CTNND1: variants seen among roughly 807,000 people sequenced by gnomAD.
The protein encoded by CTNND1 is catenin delta 1, also known as catenin delta-1.
A neutral mutation model predicts 112.1 loss-of-function variants in CTNND1; 16 were observed. The observed-to-expected ratio is 0.14, with a 90% CI of 0.10 to 0.22. CTNND1 has a LOEUF of 0.22. Ranked by LOEUF, CTNND1 falls within the 10% of genes least tolerant of loss-of-function variation. CTNND1 has a pLI of 1.00. For synonymous variants in CTNND1, 420 were observed against 446.5 expected (o/e 0.94, Z 0.75); for missense variants, 1,008 against 1,257.0 (o/e 0.80, Z 3.00).
chr11:57,816,172 C>T, intron 20 of CTNND1, 125 bp from the exon 21 acceptor site: 1 of 1,284,412 alleles, frequency 7.8e-7, no homozygotes, highest in Non-Finnish European at 1.1e-6. Flanking sequence ...CTGGGACATG[C>T]AGCTGGTGAT....
At chr11:57,773,984 A>G (rs1407013879) in intron 1 of CTNND1, among the ~76,000 whole-genome samples, 1 of 152,080 alleles carries the variant, frequency 6.6e-6, no homozygotes, top group Non-Finnish European at 1.5e-5. Flanking sequence ...ATGTACCTTT[A>G]TTGTTTGACT....
rs554099518 is a variant in CTNND1, at chr11:57,818,905, A to G, written c.*2597A>G. ...TAGGATCAAAAGGCCCATGTATATA[A>G]GTACTGACCACTGGGCCATAATGTT... On this transcript the variant is annotated 3_prime_UTR_variant, in exon 21 of 21. Transcript: ENST00000399050. The G allele has an allele frequency of 6.6e-6, 1 of 152,348 alleles. No homozygotes were observed. The highest frequency in any genetic ancestry group is 2.1e-4 in the South Asian group (1 of 4,828). 9.4% of individuals were successfully genotyped at this position (152,348 alleles called of 1,614,324 possible).
In CTNND1 at chr11:57,803,057, G is replaced by A. The variant is rs181910965; in HGVS notation, c.1421-564G>A. Among the ~76,000 whole-genome samples the A allele has an allele frequency of 2.0e-3, 299 of 152,300 alleles. 5 individuals are homozygous for A. The highest frequency in any genetic ancestry group is 6.7e-3 in the African/African-American group (279 of 41,578). ...GGCCGAAAATGTCAGTGGTGCTGAG[G>A]TTGAAAAACTCTGGTATAGACAGAT... On this transcript the variant is annotated intron_variant, in intron 7 of 20. Transcript: ENST00000399050.
At chr11:57,816,070 A>G (rs1417068650) in intron 20 of CTNND1, 69 bp downstream of exon 20, 3 of 1,329,678 alleles carry the variant, frequency 2.3e-6, no homozygotes, top group African/African-American at 1.5e-5. Flanking sequence ...CAACTTGTCA[A>G]TCACGCTAAT....
At chr11:57,771,223 A>G (rs770566614) in intron 1 of CTNND1, among the ~76,000 whole-genome samples, 4 of 152,134 alleles carry the variant, frequency 2.6e-5, no homozygotes, top group Non-Finnish European at 5.9e-5. Flanking sequence ...GAGTCTGTTT[A>G]TGCCATACAC....
chr11:57,807,195 T>C (rs2062779650), intron 12 of CTNND1, among the ~76,000 whole-genome samples: 1 of 152,238 alleles, frequency 6.6e-6, no homozygotes, highest in East Asian at 1.9e-4. Context: ...TTCAGGTTAC[T>C]TGAGGATAGA....
chr11:57,816,818 A>G lies in CTNND1; in HGVS notation c.*510A>G, dbSNP rs1429595346. On this transcript the variant is annotated 3_prime_UTR_variant, in exon 21 of 21. Coordinates refer to ENST00000399050, the MANE Select transcript of CTNND1 (RefSeq NM_001085458.2). Reference sequence around the variant, plus strand: ...AAGTGTGAGCTCTTCCCTTATTCCTAATGGCTATTTTTGAAGCAAAGAAGG... The same window carrying G: ...AAGTGTGAGCTCTTCCCTTATTCCTGATGGCTATTTTTGAAGCAAAGAAGG... 1 of 155,074 alleles carries G rather than the reference A, an allele frequency of 6.4e-6. No individual in the cohort carries two copies. The highest frequency in any genetic ancestry group is 2.4e-5 in the African/African-American group (1 of 41,438). 9.6% of individuals were successfully genotyped at this position (155,074 alleles called of 1,614,324 possible). A position where few individuals can be genotyped will look rare whatever the true frequency, so the allele number is the denominator to read the frequency against.
intron 6 of CTNND1, among the ~76,000 whole-genome samples, chr11:57,797,857 A>AT (rs1555055390): frequency 6.6e-6 from 1 of 150,442 alleles, no homozygotes. Context: ...AAAAAAAAAA[A>AT]AAAAAACAAC....
At chr11:57,789,591 G>A (rs2060475342) in intron 2 of CTNND1, among the ~76,000 whole-genome samples, 1 of 152,134 alleles carries the variant, frequency 6.6e-6, no homozygotes, top group South Asian at 2.1e-4. Flanking sequence ...CCAATCTTTT[G>A]GCTTCCCTGG....
chr11:57,791,548 G>GA lies in CTNND1; in HGVS notation c.71dup (p.Lys25GlufsTer50). 1 of 1,609,850 alleles carries GA rather than the reference G, an allele frequency of 6.2e-7. No homozygotes were observed. Among genetic ancestry groups the GA allele is most frequent in the Non-Finnish European group, 8.5e-7 (1 of 1,178,278 alleles). On this transcript the variant is annotated frameshift_variant, in exon 3 of 21. Transcript: ENST00000399050. LOFTEE classifies it high-confidence loss of function. ...TGTGAAGGAACAAGAGGCCCAGTTT[G>GA]AGAAGCTGACCCGGGCGCTGGAGGA...
chr11:57,792,980 A>C (rs11570190), intron 3 of CTNND1, among the ~76,000 whole-genome samples: 37,931 of 152,000 alleles, frequency 0.25, 5,539 homozygotes, highest in Non-Finnish European at 0.33. Flanking sequence ...CAGGAACTAC[A>C]ATAGAAAGTT....
At chr11:57,793,065 T>G (rs1420596331) in intron 3 of CTNND1, 2 of 152,094 alleles carry the variant, frequency 1.3e-5, no homozygotes, top group Non-Finnish European at 2.9e-5. Flanking sequence ...CAGGATTCAG[T>G]ATGTGGTTGC....
At chr11:57,786,699 G>C (rs565573328) in intron 1 of CTNND1, among the ~76,000 whole-genome samples, 1 of 152,218 alleles carries the variant, frequency 6.6e-6, no homozygotes, top group Non-Finnish European at 1.5e-5. Context: ...GTCTCCAAGC[G>C]ATGAGACCAT....
chr11:57,815,602 C>G, intron 19 of CTNND1, 102 bp downstream of exon 19: 1 of 1,043,850 alleles, frequency 9.6e-7, no homozygotes, highest in Non-Finnish European at 1.5e-6. Flanking sequence ...AGATCGCATC[C>G]TTTTCTGGTA....
At chr11:57,784,501 C>T (rs1400538017) in intron 1 of CTNND1, among the ~76,000 whole-genome samples, 1 of 151,306 alleles carries the variant, frequency 6.6e-6, no homozygotes, top group Admixed American at 6.6e-5. Context: ...TTGTGACACT[C>T]GTTTTGTTGT....
chr11:57,784,290 TC>T (rs1256347070), intron 1 of CTNND1, among the ~76,000 whole-genome samples: 4 of 150,208 alleles, frequency 2.7e-5, no homozygotes, highest in Non-Finnish European at 4.4e-5. Context: ...ATGCCAGTAA[TC>T]CCTGCACTTT....
chr11:57,804,960 G>C (rs1036047383), intron 9 of CTNND1, among the ~76,000 whole-genome samples, 180 bp downstream of exon 9: 4 of 152,214 alleles, frequency 2.6e-5, no homozygotes, highest in Non-Finnish European at 2.9e-5. Flanking sequence ...GTGCAGTGAT[G>C]TGATCTCAGC....
chr11:57,806,587 G>T, intron 11 of CTNND1, 109 bp downstream of exon 11: 1 of 1,002,498 alleles, frequency 1.0e-6, no homozygotes, highest in Non-Finnish European at 1.5e-6. Flanking sequence ...ATGTAGGAAA[G>T]TTCAGTTGAG....
At chr11:57,802,618 C>A (rs2062125382) in intron 7 of CTNND1, among the ~76,000 whole-genome samples, 1 of 152,212 alleles carries the variant, frequency 6.6e-6, no homozygotes, top group Admixed American at 6.5e-5. Flanking sequence ...TATTTTTTCA[C>A]ATGCTTGTAA....
Sources: allele counts gnomAD v4.1 joint callset (sites outside exome capture counted in the v4.1 genomes callset), GRCh38; gene constraint gnomAD v4.1.1; transcripts MANE v1.5; gene names NCBI Gene and HGNC (gene_info 2026-07-23, HGNC 2026-07-21).